MAD1L1: variants seen among roughly 807,000 people sequenced by gnomAD.
MAD1L1 encodes mitotic spindle assembly checkpoint protein MAD1.
MAD1L1 carries 95 observed loss-of-function variants against 96.9 expected under a neutral mutation model. The observed-to-expected ratio is 0.98, with a 90% CI of 0.83 to 1.16. The LOEUF (loss-of-function observed/expected upper bound fraction) is 1.16. Among genes scored for constraint, MAD1L1 ranks in the 50% most tolerant of loss-of-function variants. The pLI is 0.00. For synonymous variants in MAD1L1, 473 were observed against 396.6 expected (o/e 1.19, Z -2.29); for missense variants, 1,007 against 954.4 (o/e 1.06, Z -0.73).
At chr7:2,193,766 G>A (rs941284522) in intron 10 of MAD1L1, among the ~76,000 whole-genome samples, 6 of 152,126 alleles carry the variant, frequency 3.9e-5, no homozygotes, top group African/African-American at 9.7e-5. Context: ...TCCGGGAGAC[G>A]CCAGTCTCAC....
intron 17 of MAD1L1, among the ~76,000 whole-genome samples, chr7:1,910,704 C>T (rs538658837): frequency 6.6e-6 from 1 of 152,350 alleles, no homozygotes; most frequent in East Asian, 1.9e-4. Flanking sequence ...GGAACACGTT[C>T]GTCAGGTGAG....
intron 18 of MAD1L1, among the ~76,000 whole-genome samples, chr7:1,874,887 C>T (rs534994349): frequency 3.9e-5 from 6 of 152,088 alleles, no homozygotes; most frequent in Admixed American, 6.5e-5. Context: ...GCATGGAGAC[C>T]GGCCACACCC....
intron 18 of MAD1L1, among the ~76,000 whole-genome samples, chr7:1,869,219 C>T (rs1213673743): frequency 3.3e-5 from 5 of 152,118 alleles, no homozygotes; most frequent in African/African-American, 1.2e-4. Context: ...GCCACAGAGG[C>T]CCGGGGGAAC....
intron 17 of MAD1L1, among the ~76,000 whole-genome samples, chr7:1,909,046 G>C (rs970001270): frequency 1.2e-4 from 18 of 152,360 alleles, no homozygotes; most frequent in Non-Finnish European, 1.8e-4. Context: ...CAGATGCTCA[G>C]TGCCAGTGGG....
chr7:2,052,301 C>T (rs182585744), intron 12 of MAD1L1, among the ~76,000 whole-genome samples: 187 of 152,324 alleles, frequency 1.2e-3, no homozygotes, highest in African/African-American at 4.3e-3. Context: ...GCACAGGCAG[C>T]GGCGTAGTAG....
chr7:2,046,337 C>T (rs1332913468), intron 12 of MAD1L1, among the ~76,000 whole-genome samples: 1 of 152,174 alleles, frequency 6.6e-6, no homozygotes, highest in African/African-American at 2.4e-5. Flanking sequence ...CCAAAGGCCC[C>T]CACAACCTCA....
At chr7:1,955,685 A>C (rs886884783) in intron 16 of MAD1L1, among the ~76,000 whole-genome samples, 3 of 152,112 alleles carry the variant, frequency 2.0e-5, no homozygotes, top group African/African-American at 7.2e-5. Context: ...CCTAGTGCGC[A>C]GGCCCCTCCC....
intron 18 of MAD1L1, among the ~76,000 whole-genome samples, chr7:1,875,121 C>T (rs12669758): frequency 0.4 from 60,223 of 152,020 alleles, 12,354 homozygotes; most frequent in Admixed American, 0.51. Flanking sequence ...GCCCCAGAGA[C>T]GACTAACGAG....
intron 18 of MAD1L1, among the ~76,000 whole-genome samples, chr7:1,829,265 G>A (rs540889623): frequency 9.2e-5 from 14 of 152,340 alleles, no homozygotes; most frequent in Admixed American, 3.3e-4. Context: ...AAAGTGGGGC[G>A]CAAGTGCTGG....
At chr7:2,179,057 A>G (rs1164275588) in intron 10 of MAD1L1, among the ~76,000 whole-genome samples, 2 of 152,248 alleles carry the variant, frequency 1.3e-5, no homozygotes, top group East Asian at 3.8e-4. Flanking sequence ...TAAAAGCAAC[A>G]GAAGAGTGAC....
At chr7:2,079,232 G>A (rs1175162566) in intron 11 of MAD1L1, among the ~76,000 whole-genome samples, 2 of 152,230 alleles carry the variant, frequency 1.3e-5, no homozygotes, top group African/African-American at 4.8e-5. Context: ...TTCAGACTCG[G>A]AAGGGGCTGG....
chr7:1,892,456 A>C (rs10255204), intron 18 of MAD1L1, among the ~76,000 whole-genome samples: 104,209 of 152,116 alleles, frequency 0.69, 36,286 homozygotes, highest in African/African-American at 0.8. Flanking sequence ...CCAGATTTTC[A>C]GGTTGTCAGA....
intron 17 of MAD1L1, among the ~76,000 whole-genome samples, chr7:1,933,869 A>G (rs908302094): frequency 6.6e-6 from 1 of 152,088 alleles, no homozygotes; most frequent in Non-Finnish European, 1.5e-5. Context: ...CCCTAACGCC[A>G]CTTGCAGCCA....
chr7:2,066,220 C>A (rs1236828866), intron 12 of MAD1L1, among the ~76,000 whole-genome samples: 1 of 152,270 alleles, frequency 6.6e-6, no homozygotes, highest in African/African-American at 2.4e-5. Flanking sequence ...CGGAGGCTCG[C>A]AGCCCTCCTG....
At chr7:1,842,393 C>T (rs1471025012) in intron 18 of MAD1L1, among the ~76,000 whole-genome samples, 2 of 152,248 alleles carry the variant, frequency 1.3e-5, no homozygotes, top group Non-Finnish European at 2.9e-5. Flanking sequence ...TCCAGGAGCC[C>T]GGCCTCAGCC....
intron 15 of MAD1L1, among the ~76,000 whole-genome samples, chr7:1,974,613 T>C (rs1236259529): frequency 6.6e-6 from 1 of 151,792 alleles, no homozygotes; most frequent in Non-Finnish European, 1.5e-5. Context: ...AGGACAAAAA[T>C]AAGGAAAATA....
chr7:1,946,674 T>A (rs1214445554), intron 16 of MAD1L1, among the ~76,000 whole-genome samples: 1 of 152,178 alleles, frequency 6.6e-6, no homozygotes. Context: ...AGCGGGAGAA[T>A]GCTGGGACGG....
chr7:1,929,415 G>A (rs1018417393), intron 17 of MAD1L1, among the ~76,000 whole-genome samples: 2 of 152,188 alleles, frequency 1.3e-5, no homozygotes, highest in Non-Finnish European at 2.9e-5. Context: ...CAGGGGGGCT[G>A]AGTGAGGAGT....
chr7:1,871,011 C>T (rs1358899659), intron 18 of MAD1L1, among the ~76,000 whole-genome samples: 32 of 147,404 alleles, frequency 2.2e-4, no homozygotes, highest in African/African-American at 8.1e-4. Flanking sequence ...AACCGTAACA[C>T]CTGCCACGCT....
Sources: allele counts gnomAD v4.1 joint callset (sites outside exome capture counted in the v4.1 genomes callset), GRCh38; gene constraint gnomAD v4.1.1; transcripts MANE v1.5; gene names NCBI Gene and HGNC (gene_info 2026-07-23, HGNC 2026-07-21).